Variants in COL28A1 observed in about 807,000 individuals in gnomAD.
The protein encoded by COL28A1 is collagen type XXVIII alpha 1 chain, also known as collagen alpha-1(XXVIII) chain.
Under a neutral mutation model 150.2 loss-of-function variants are expected in COL28A1, and 161 were observed. That is an observed-to-expected ratio of 1.07 (90% CI 0.94 to 1.22). COL28A1 has a LOEUF of 1.22. Among genes scored for constraint, COL28A1 ranks in the 50% most tolerant of loss-of-function variants. COL28A1 has a pLI of 0.00. For missense variants in COL28A1, 1,617 were observed against 1,388.3 expected, an observed-to-expected ratio of 1.16 and a Z score of -2.62; for synonymous variants, 552 against 469.7, an observed-to-expected ratio of 1.18 and a Z score of -2.26.
In COL28A1 at chr7:7,490,624, G is replaced by C; in HGVS notation, c.1049C>G (p.Pro350Arg). The change falls in exon 12 of 35, where the codon CCT (proline) becomes CGT (arginine). Residue 350 changes from proline to arginine, a missense_variant. Physicochemically the swap from Pro to Arg is moderately radical, Grantham distance 103. Coordinates refer to ENST00000399429, the MANE Select transcript of COL28A1 (RefSeq NM_001037763.3). The part of the protein sequence containing the change: ...GNKGEPGPPG[P>R]YGSPGAPGIG... ...TCCAGGAGCTCCTGGAGAACCATAA[G>C]GACCAGGAGGACCTGGCTCACCCTG... The C allele has an allele frequency of 7.4e-7, 1 of 1,348,152 alleles. No homozygotes were observed. Among genetic ancestry groups the C allele is most frequent in the East Asian group, 2.3e-5 (1 of 43,618 alleles). 83.5% of individuals were successfully genotyped at this position (1,348,152 alleles called of 1,614,324 possible).
At chr7:7,408,284 C>T (rs1051677771) in intron 27 of COL28A1, among the ~76,000 whole-genome samples, 20 of 152,180 alleles carry the variant, frequency 1.3e-4, no homozygotes, top group African/African-American at 4.8e-4. Context: ...CCAATTTGAG[C>T]CACAAATACT....
At chr7:7,501,279 T>TAA (rs1243206014) in intron 11 of COL28A1, among the ~76,000 whole-genome samples, 2 of 152,232 alleles carry the variant, frequency 1.3e-5, no homozygotes, top group African/African-American at 4.8e-5. Context: ...TTTTTTAAGA[T>TAA]AAATATACAA....
intron 27 of COL28A1, among the ~76,000 whole-genome samples, chr7:7,410,989 T>C (rs1661131956): frequency 6.6e-6 from 1 of 152,188 alleles, no homozygotes; most frequent in Admixed American, 6.5e-5. Flanking sequence ...AAAAGGTTCA[T>C]TCTAACCACA....
chr7:7,420,287 A>G (rs897856393), intron 25 of COL28A1: 10 of 165,734 alleles, frequency 6.0e-5, no homozygotes, highest in Non-Finnish European at 1.3e-4. Context: ...ATATAATCAT[A>G]TCCTGAACTA....
chr7:7,355,033 G>A (rs1424730791), downstream of COL28A1, among the ~76,000 whole-genome samples: 1 of 152,064 alleles, frequency 6.6e-6, no homozygotes, highest in East Asian at 1.9e-4. Context: ...GAATAAAGAA[G>A]GAACAAAAGT....
At chr7:7,429,994 T>C (rs1014326823) in intron 25 of COL28A1, among the ~76,000 whole-genome samples, 19 of 152,158 alleles carry the variant, frequency 1.2e-4, no homozygotes, top group Admixed American at 9.2e-4. Flanking sequence ...CTTACCTTTT[T>C]CCCCCTAAAA....
chr7:7,345,945 T>G, the COL28A1 span, among the ~76,000 whole-genome samples: 1 of 152,110 alleles, frequency 6.6e-6, no homozygotes, highest in Admixed American at 6.6e-5. Context: ...ACATATAGAC[T>G]ATTTTTCATC....
At chr7:7,527,170 T>G (rs1189680670) in intron 3 of COL28A1, among the ~76,000 whole-genome samples, 1 of 152,292 alleles carries the variant, frequency 6.6e-6, no homozygotes, top group South Asian at 2.1e-4. Context: ...GAAACAAAAA[T>G]GAACCCAAAA....
chr7:7,525,297 A>G (rs1781961824), intron 3 of COL28A1, among the ~76,000 whole-genome samples: 1 of 152,214 alleles, frequency 6.6e-6, no homozygotes, highest in Admixed American at 6.5e-5. Context: ...TTTCAAAACT[A>G]TTTTAAATTT....
chr7:7,425,780 A>T (rs971465575), intron 25 of COL28A1, among the ~76,000 whole-genome samples: 1 of 152,252 alleles, frequency 6.6e-6, no homozygotes, highest in African/African-American at 2.4e-5. Flanking sequence ...CAAATCACAG[A>T]TAAGAATGCT....
chr7:7,385,893 T>C (rs1042943108), intron 27 of COL28A1, among the ~76,000 whole-genome samples: 2 of 152,214 alleles, frequency 1.3e-5, no homozygotes, highest in East Asian at 1.9e-4. Context: ...GAGTAGACTA[T>C]CTAGCTAAAA....
chr7:7,442,347 A>G (rs1785865329), intron 20 of COL28A1, among the ~76,000 whole-genome samples: 1 of 152,212 alleles, frequency 6.6e-6, no homozygotes, highest in African/African-American at 2.4e-5. Context: ...TCTCTTCCTT[A>G]GAGACATTGT....
At chr7:7,543,641 C>G in the COL28A1 span, among the ~76,000 whole-genome samples, 130 of 152,132 alleles carry the variant, frequency 8.5e-4, no homozygotes, top group African/African-American at 3.0e-3. Context: ...GGATTTCCAT[C>G]ATATAGTTGC....
intron 27 of COL28A1, among the ~76,000 whole-genome samples, chr7:7,401,726 T>G (rs1442322856): frequency 6.6e-6 from 1 of 152,172 alleles, no homozygotes; most frequent in African/African-American, 2.4e-5. Context: ...TTATTTGTTT[T>G]TGTCCCCTTA....
chr7:7,532,816 T>A lies in COL28A1; in HGVS notation c.60A>T (p.Thr20=). ...GTCCTTTCTTTCTTTGTCCGGATAC[T>A]GTTTGACTCGTAAACGCTGACAAAA... The part of the protein sequence containing the change: ...LLLLSAFTSQ[T]VSGQRKKGPK... Residue 20 remains threonine, a synonymous_variant, in exon 2 of 35, where the codon ACA becomes ACT. Transcript: ENST00000399429. 1.2e-6 allele frequency: 2 copies of A among 1,612,934 alleles called. No homozygotes were observed. The highest frequency in any genetic ancestry group is 1.7e-6 in the Non-Finnish European group (2 of 1,179,432).
At chr7:7,424,668 T>G (rs55829736) in intron 25 of COL28A1, among the ~76,000 whole-genome samples, 3,061 of 152,128 alleles carry the variant, frequency 0.02, 91 homozygotes, top group African/African-American at 0.07. Context: ...ATCTATCACT[T>G]TCCTAAGATG....
intron 27 of COL28A1, among the ~76,000 whole-genome samples, chr7:7,402,438 C>T (rs995911063): frequency 3.3e-5 from 5 of 152,136 alleles, no homozygotes; most frequent in African/African-American, 4.8e-5. Flanking sequence ...ATACTTTTAT[C>T]TCAAATACAA....
intron 32 of COL28A1, among the ~76,000 whole-genome samples, 167 bp downstream of exon 32, chr7:7,372,831 A>G (rs1157147300): frequency 6.6e-6 from 1 of 152,178 alleles, no homozygotes; most frequent in Non-Finnish European, 1.5e-5. Flanking sequence ...TCCAAACTGA[A>G]TGATATTAAA....
chr7:7,389,062 C>G (rs1251791181), intron 27 of COL28A1, among the ~76,000 whole-genome samples: 1 of 151,860 alleles, frequency 6.6e-6, no homozygotes, highest in African/African-American at 2.4e-5. Flanking sequence ...AGTCATGAAG[C>G]CTTTGCCCAT....
Sources: gnomAD v4.1 joint callset for allele counts (sites outside exome capture counted in the v4.1 genomes callset) on GRCh38, gnomAD v4.1.1 for gene constraint, MANE v1.5 for transcripts, NCBI Gene and HGNC (gene_info 2026-07-23, HGNC 2026-07-21) for gene names.